SLC7A6: variants seen among roughly 807,000 people sequenced by gnomAD.
SLC7A6 encodes the protein Y+L amino acid transporter 2.
SLC7A6 carries 29 observed loss-of-function variants against 46.6 expected under a neutral mutation model. The ratio of observed to expected loss-of-function variants is 0.62; its 90% CI spans 0.46 to 0.85. The LOEUF is 0.85. SLC7A6 is among the 40% of genes least tolerant of loss of function. SLC7A6 has a pLI of 0.00. For missense variants in SLC7A6, 527 were observed against 647.6 expected, an observed-to-expected ratio of 0.81 and a Z score of 2.02; for synonymous variants, 276 against 257.3, an observed-to-expected ratio of 1.07 and a Z score of -0.70.
chr16:68,290,285 C>T, intron 4 of SLC7A6, 111 bp from the exon 5 acceptor site: 2 of 1,130,040 alleles, frequency 1.8e-6, no homozygotes, highest in South Asian at 1.9e-5. Context: ...TCTTCCCTTC[C>T]TCTTTCCTAT....
At chr16:68,296,592 C>T (rs2043172729) in intron 9 of SLC7A6, 35 bp from the exon 10 acceptor site, 1 of 1,613,598 alleles carries the variant, frequency 6.2e-7, no homozygotes, top group Non-Finnish European at 8.5e-7. Flanking sequence ...TTTCCTCTTC[C>T]CACGTTACTT....
rs557784659 is a variant in SLC7A6, at chr16:68,264,598, G to C, written c.-166+22G>C. 1 of 152,586 alleles carries C rather than the reference G, an allele frequency of 6.6e-6. No individual in the cohort carries two copies. The highest frequency in any genetic ancestry group is 1.9e-4 in the South Asian group (1 of 5,236). The allele number at this position is 152,586 out of a possible 1,614,324, so 9.5% of individuals were successfully genotyped here. A position where few individuals can be genotyped will look rare whatever the true frequency, so the allele number is the denominator to read the frequency against. Reference sequence around the variant, plus strand: ...GGAGGTAACGGGCTGGGCCATGGGCGGGCGCGCCGGGAGCGGGGCCGGGGC... The same window carrying C: ...GGAGGTAACGGGCTGGGCCATGGGCCGGCGCGCCGGGAGCGGGGCCGGGGC... On this transcript the variant is annotated intron_variant, in intron 1 of 10. Coordinates refer to ENST00000219343, the MANE Select transcript of SLC7A6 (RefSeq NM_003983.6). This position sits in a 1 kb window ranked among gnomAD's most constrained non-coding sequence, Gnocchi z 5.8.
intron 2 of SLC7A6, chr16:68,273,107 TA>T (rs2042649693): frequency 6.6e-6 from 1 of 152,168 alleles, no homozygotes; most frequent in African/African-American, 2.4e-5. Flanking sequence ...GGAGCTTTTT[TA>T]CTTGGTCTCA....
intron 7 of SLC7A6, 102 bp from the exon 8 acceptor site, chr16:68,294,603 G>C: frequency 1.2e-6 from 1 of 825,272 alleles, no homozygotes; most frequent in South Asian, 1.5e-5. Context: ...GCTGCATCCT[G>C]CTTTCCTCGG....
intron 3 of SLC7A6, among the ~76,000 whole-genome samples, chr16:68,282,214 C>T (rs941849744): frequency 1.3e-5 from 2 of 152,026 alleles, no homozygotes; most frequent in African/African-American, 4.8e-5. Flanking sequence ...TTTCAAGACT[C>T]CAACCCTATA....
intron 8 of SLC7A6, among the ~76,000 whole-genome samples, chr16:68,296,014 G>A (rs930903843): frequency 6.6e-6 from 1 of 152,114 alleles, no homozygotes. Context: ...CCAGGCAGTC[G>A]GGACCCAGGT....
chr16:68,275,240 G>A lies in SLC7A6; in HGVS notation c.514G>A (p.Ala172Thr), dbSNP rs746890798. The change falls in exon 3 of 11, where the codon GCT (alanine) becomes ACT (threonine). Residue 172 changes from alanine (A) to threonine (T), a missense_variant. Ala to Thr is a moderately conservative substitution (Grantham distance 58). Coordinates refer to ENST00000219343, the MANE Select transcript of SLC7A6 (RefSeq NM_003983.6). ...CCTGGCCTGCCGTCTCCTGGCTGCT[G>A]CTTGCATATGTAAGTGGGGGCTGAG... Reference protein sequence around the residue: ...PYLACRLLAAACICLLTFVNC... With the variant: ...PYLACRLLAATCICLLTFVNC... The A allele has an allele frequency of 2.5e-6, 4 of 1,610,808 alleles. No individual in the cohort carries two copies. The highest frequency in any genetic ancestry group is 3.4e-6 in the Non-Finnish European group (4 of 1,177,712).
At chr16:68,272,000 T>G (rs1158457166) in intron 2 of SLC7A6, among the ~76,000 whole-genome samples, 1 of 151,990 alleles carries the variant, frequency 6.6e-6, no homozygotes, top group Non-Finnish European at 1.5e-5. Flanking sequence ...AGACCGGGTT[T>G]CACCATGTTG....
chr16:68,299,717 A>G lies in SLC7A6; in HGVS notation c.*2389A>G, dbSNP rs2043236159. 1 of 152,182 alleles carries G rather than the reference A, an allele frequency of 6.6e-6. No individual in the cohort carries two copies. Among genetic ancestry groups the G allele is most frequent in the Non-Finnish European group, 1.5e-5 (1 of 68,032 alleles). 9.4% of individuals were successfully genotyped at this position (152,182 alleles called of 1,614,324 possible). A position where few individuals can be genotyped will look rare whatever the true frequency, so the allele number is the denominator to read the frequency against. ...GGTTGCTGTATGAGAATGGCTTTCA[A>G]TCCTTTGTTTCTATGCCTACAGACA... On this transcript the variant is annotated 3_prime_UTR_variant, in exon 11 of 11. Coordinates refer to ENST00000219343, the MANE Select transcript of SLC7A6 (RefSeq NM_003983.6).
chr16:68,296,689 C>A lies in SLC7A6; in HGVS notation c.1332C>A (p.Leu444=), dbSNP rs371532031. The part of the protein sequence containing the change: ...ICSVFLVIVP[L]FTDTINSLIG... ...CCGTGTTTCTGGTGATAGTGCCCCTCTTCACTGACACCATTAATTCCCTCA... is the reference window on the plus strand; with the variant it reads ...CCGTGTTTCTGGTGATAGTGCCCCTATTCACTGACACCATTAATTCCCTCA... Residue 444 remains leucine, a synonymous_variant, in exon 10 of 11, where the codon CTC becomes CTA. Transcript: ENST00000219343. 1.9e-6 allele frequency: 3 copies of A among 1,614,110 alleles called. No homozygotes were observed. The East Asian group carries it at 6.7e-5, about 36-fold the overall frequency.
At chr16:68,271,334 G>A (rs1325363432) in intron 2 of SLC7A6, among the ~76,000 whole-genome samples, 1 of 151,976 alleles carries the variant, frequency 6.6e-6, no homozygotes, top group Non-Finnish European at 1.5e-5. Flanking sequence ...TTTGAGACAG[G>A]GTCTCTGTCA....
chr16:68,272,314 T>C (rs1376786039), intron 2 of SLC7A6, among the ~76,000 whole-genome samples: 1 of 152,062 alleles, frequency 6.6e-6, no homozygotes. Context: ...CCTTTAGTCC[T>C]AGCTACTCAT....
chr16:68,269,604 A>G (rs1241645938), intron 2 of SLC7A6, among the ~76,000 whole-genome samples: 1 of 151,942 alleles, frequency 6.6e-6, no homozygotes, highest in Non-Finnish European at 1.5e-5. Context: ...CCCTCAGTTT[A>G]TTAGCCAGGC....
At chr16:68,286,432 T>C (rs575057081) in intron 3 of SLC7A6, among the ~76,000 whole-genome samples, 1 of 152,266 alleles carries the variant, frequency 6.6e-6, no homozygotes, top group Admixed American at 6.5e-5. Context: ...TTTATGTGTG[T>C]GTACGGTACG....
rs1241334275 is a variant in SLC7A6 at position 68,290,429 on chromosome 16, G to T, written c.683G>T (p.Gly228Val). ...HSEHFQDAFE[G>V]SSWDMGNLSL... is the part of the protein sequence containing the mutation. Reference sequence around the variant, plus strand: ...GAGCACTTTCAGGACGCCTTTGAGGGTTCCTCCTGGGACATGGGAAACCTC... The same window carrying T: ...GAGCACTTTCAGGACGCCTTTGAGGTTTCCTCCTGGGACATGGGAAACCTC... Residue 228 changes from glycine to valine, a missense_variant, in exon 5 of 11, where the codon GGT becomes GTT. By Grantham distance (109) the Gly-to-Val change is moderately radical. Coordinates refer to ENST00000219343, the MANE Select transcript of SLC7A6 (RefSeq NM_003983.6). 3 of 1,614,062 alleles carry T rather than the reference G, an allele frequency of 1.9e-6. No homozygotes were observed. The highest frequency in any genetic ancestry group is 8.5e-7 in the Non-Finnish European group (1 of 1,180,004).
Position 68,296,392 on chromosome 16 carries a change from T to G in SLC7A6, c.1148T>G (p.Val383Gly), listed in dbSNP as rs1284913334. The G allele has an allele frequency of 6.2e-7, 1 of 1,613,974 alleles. No individual in the cohort carries two copies. Among genetic ancestry groups the G allele is most frequent in the Admixed American group, 1.7e-5 (1 of 59,990 alleles). Residue 383 changes from valine to glycine, a missense_variant, in exon 9 of 11, where the codon GTG becomes GGG. Transcript: ENST00000219343. ...NCTMALIYLI[V>G]EDVFQLINYF... is the part of the protein sequence containing the mutation. ...ACCATGGCACTCATCTACCTCATCG[T>G]GGAGGATGTTTTCCAGCTTATCAAC...
chr16:68,275,812 T>G (rs2042702186), intron 3 of SLC7A6, among the ~76,000 whole-genome samples: 1 of 151,942 alleles, frequency 6.6e-6, no homozygotes, highest in African/African-American at 2.4e-5. Context: ...CTTGTTCTGT[T>G]TTGTGGTCTG....
chr16:68,295,621 T>G (rs1343436642), intron 8 of SLC7A6, among the ~76,000 whole-genome samples: 1 of 152,242 alleles, frequency 6.6e-6, no homozygotes, highest in African/African-American at 2.4e-5. Context: ...CTCCCTTATC[T>G]CCACAGAATG....
intron 2 of SLC7A6, among the ~76,000 whole-genome samples, chr16:68,272,629 G>C (rs1169505092): frequency 1.3e-5 from 2 of 152,100 alleles, no homozygotes; most frequent in African/African-American, 4.8e-5. Context: ...TCTAAATAAG[G>C]CCACTGGGTA....
Sources: allele counts gnomAD v4.1 joint callset (sites outside exome capture counted in the v4.1 genomes callset), GRCh38; gene constraint gnomAD v4.1.1; non-coding constraint Gnocchi (gnomAD v3.1); transcripts MANE v1.5; gene names NCBI Gene and HGNC (gene_info 2026-07-23, HGNC 2026-07-21).